Variants in PRKCA observed in about 807,000 individuals in gnomAD.
PRKCA encodes the protein protein kinase C alpha, also known as protein kinase C alpha type.
In PRKCA, 27 loss-of-function variants were observed where a neutral mutation model predicts 87.0. That is an observed-to-expected ratio of 0.31 (90% confidence interval 0.23 to 0.43). The LOEUF is 0.43. PRKCA is among the 20% of genes least tolerant of loss of function. The pLI, the probability that PRKCA is intolerant of heterozygous loss-of-function variation, is 1.00. For missense variants in PRKCA, 518 were observed against 852.3 expected (o/e 0.61, Z 4.88); for synonymous variants, 329 against 311.1 (o/e 1.06, Z -0.61).
At chr17:66,734,586 A>G (rs1247030109) in intron 9 of PRKCA, among the ~76,000 whole-genome samples, 1 of 152,108 alleles carries the variant, frequency 6.6e-6, no homozygotes, top group African/African-American at 2.4e-5. Context: ...TGGCTTCTTT[A>G]CTGTATCCTG....
chr17:66,509,897 G>C (rs879343642), intron 3 of PRKCA, among the ~76,000 whole-genome samples: 5 of 151,934 alleles, frequency 3.3e-5, no homozygotes, highest in Non-Finnish European at 5.9e-5. Flanking sequence ...TTTGTTGAAA[G>C]AGCGAATGAA....
At chr17:66,729,670 C>T (rs1338957492) in intron 8 of PRKCA, among the ~76,000 whole-genome samples, 1 of 152,080 alleles carries the variant, frequency 6.6e-6, no homozygotes. Flanking sequence ...GCAAAAATAT[C>T]AGGGCCATCT....
intron 3 of PRKCA, among the ~76,000 whole-genome samples, chr17:66,618,630 G>A (rs549328761): frequency 3.4e-4 from 51 of 152,132 alleles, no homozygotes; most frequent in Non-Finnish European, 6.3e-4. Flanking sequence ...AAGATAAGTC[G>A]TAGACATCAC....
At chr17:66,621,787 T>A (rs1203325973) in intron 3 of PRKCA, among the ~76,000 whole-genome samples, 2 of 152,178 alleles carry the variant, frequency 1.3e-5, no homozygotes, top group Admixed American at 1.3e-4. Flanking sequence ...AAAGAGCTCA[T>A]TTGAAGCAAT....
chr17:66,404,109 C>T (rs926119938), intron 2 of PRKCA: 1 of 152,196 alleles, frequency 6.6e-6, no homozygotes, highest in African/African-American at 2.4e-5. Flanking sequence ...TTGTTATTCA[C>T]CCTGAATCCT....
chr17:66,372,076 A>C (rs1314579642), intron 2 of PRKCA, among the ~76,000 whole-genome samples: 2 of 152,186 alleles, frequency 1.3e-5, no homozygotes, highest in Non-Finnish European at 2.9e-5. Context: ...GATGATATGA[A>C]GATAGTACCT....
At chr17:66,650,642 A>C (rs773090464) in intron 5 of PRKCA, among the ~76,000 whole-genome samples, 8 of 152,054 alleles carry the variant, frequency 5.3e-5, no homozygotes, top group Non-Finnish European at 8.8e-5. Flanking sequence ...CTGGTCGGGG[A>C]GGGGAAGACT....
Position 66,759,527 on chromosome 17 carries a change from C to CA in PRKCA, c.1525-14447dup, listed in dbSNP as rs60704420. 9.5e-3 allele frequency among the ~76,000 whole-genome samples: 1,052 copies of CA among 110,498 alleles called. 5 individuals carry two copies. Among genetic ancestry groups the CA allele is most frequent in the Non-Finnish European group, 0.01 (510 of 48,718 alleles). The allele number at this position is 110,498 out of a possible 152,430, so 72.5% of individuals were successfully genotyped here. On this transcript the variant is annotated intron_variant, in intron 13 of 16. Transcript: ENST00000413366. ...CAAGAGGCAGAAAAAGAGTGGGAGA[C>CA]AAAAAAAAAAAAATGGACAAGGGCC...
intron 3 of PRKCA, among the ~76,000 whole-genome samples, chr17:66,591,666 G>A (rs538332261): frequency 2.0e-5 from 3 of 152,176 alleles, no homozygotes; most frequent in South Asian, 2.1e-4. Context: ...TGCTTTTTCC[G>A]TGTAAGGTTG....
At chr17:66,426,279 C>T (rs1162872680) in intron 2 of PRKCA, among the ~76,000 whole-genome samples, 3 of 152,114 alleles carry the variant, frequency 2.0e-5, no homozygotes, top group Non-Finnish European at 4.4e-5. Flanking sequence ...AAGTCACGCC[C>T]TTCTGCCCGA....
chr17:66,633,792 C>T (rs1454439776), intron 3 of PRKCA, among the ~76,000 whole-genome samples: 1 of 152,172 alleles, frequency 6.6e-6, no homozygotes, highest in Non-Finnish European at 1.5e-5. Context: ...CAAATATGAA[C>T]ATCCCCATCA....
In PRKCA at chr17:66,522,979, A is replaced by G. The variant is rs914393775; in HGVS notation, c.288+26696A>G. 7.2e-5 allele frequency among the ~76,000 whole-genome samples: 11 copies of G among 152,266 alleles called. No individual in the cohort carries two copies. The East Asian group carries it at 2.1e-3, about 29-fold the overall frequency. ...CATGAATTCTGTTACTGATCCCGGAATAAAGATTTGGTGCCCTCCGGTTTC... is the reference window on the plus strand; with the variant it reads ...CATGAATTCTGTTACTGATCCCGGAGTAAAGATTTGGTGCCCTCCGGTTTC... On this transcript the variant is annotated intron_variant, in intron 3 of 16. Coordinates refer to ENST00000413366, the MANE Select transcript of PRKCA (RefSeq NM_002737.3).
At chr17:66,777,079 G>C (rs1326833618) in intron 14 of PRKCA, 1 of 295,688 alleles carries the variant, frequency 3.4e-6, no homozygotes, top group Non-Finnish European at 5.0e-6. Flanking sequence ...CTTGGTGCTG[G>C]CTGCGACCAA....
intron 2 of PRKCA, among the ~76,000 whole-genome samples, chr17:66,414,406 C>G (rs1395826589): frequency 6.6e-6 from 1 of 152,176 alleles, no homozygotes; most frequent in African/African-American, 2.4e-5. Context: ...TTGTAAGTTC[C>G]CTGAGGCCTC....
Position 66,742,700 on chromosome 17 carries a change from C to T in PRKCA, c.1464C>T (p.His488=), listed in dbSNP as rs1974183192. The change falls in exon 13 of 17, where the codon CAC becomes CAT. Residue 488 remains histidine, a synonymous_variant. Coordinates refer to ENST00000413366, the MANE Select transcript of PRKCA (RefSeq NM_002737.3). ...KIADFGMCKE[H]MMDGVTTRTF... ...CTGACTTTGGGATGTGCAAGGAACA[C>T]ATGATGGATGGAGTCACGACCAGGA... is the stretch of plus-strand genomic sequence containing the variant. 2 of 1,614,164 alleles carry T rather than the reference C, an allele frequency of 1.2e-6. No homozygotes were observed. The highest frequency in any genetic ancestry group is 1.7e-6 in the Non-Finnish European group (2 of 1,180,022).
chr17:66,427,767 C>T (rs1002181016), intron 2 of PRKCA, among the ~76,000 whole-genome samples: 1 of 152,048 alleles, frequency 6.6e-6, no homozygotes, highest in African/African-American at 2.4e-5. Context: ...GGTGAAAAGC[C>T]AAGATGGCAG....
chr17:66,488,205 C>T (rs1455334721), intron 2 of PRKCA, among the ~76,000 whole-genome samples: 2 of 152,102 alleles, frequency 1.3e-5, no homozygotes, highest in Non-Finnish European at 2.9e-5. Flanking sequence ...AGAATTCTTT[C>T]TGTGGAAAGT....
At chr17:66,692,043 C>G (rs1361925084) in intron 8 of PRKCA, among the ~76,000 whole-genome samples, 1 of 152,154 alleles carries the variant, frequency 6.6e-6, no homozygotes. Flanking sequence ...GGTCAGAGGC[C>G]GCAGGGCTGT....
At chr17:66,488,388 G>A (rs1916080232) in intron 2 of PRKCA, among the ~76,000 whole-genome samples, 1 of 152,192 alleles carries the variant, frequency 6.6e-6, no homozygotes. Context: ...CTGACGCCAA[G>A]ATCTGGTTTC....
Sources: allele counts gnomAD v4.1 joint callset (sites outside exome capture counted in the v4.1 genomes callset), GRCh38; gene constraint gnomAD v4.1.1; transcripts MANE v1.5; gene names NCBI Gene and HGNC (gene_info 2026-07-23, HGNC 2026-07-21).